Variants in AGBL4 observed in about 807,000 individuals in gnomAD.
AGBL4 encodes the protein cytosolic carboxypeptidase 6.
AGBL4 carries 58 observed loss-of-function variants against 66.4 expected under a neutral mutation model. The ratio of observed to expected loss-of-function variants is 0.87; its 90% CI spans 0.71 to 1.09. The LOEUF (loss-of-function observed/expected upper bound fraction) is 1.09. Ranked by LOEUF, AGBL4 falls within the 50% of genes least tolerant of loss-of-function variation. The probability of loss-of-function intolerance (pLI) is 0.00; values close to 1 mark genes in which losing one functional copy is unlikely to be tolerated. For missense variants in AGBL4, 579 were observed against 631.0 expected (o/e 0.92, Z 0.88); for synonymous variants, 234 against 222.9 (o/e 1.05, Z -0.44).
intron 6 of AGBL4, among the ~76,000 whole-genome samples, chr1:48,855,956 T>C (rs886107098): frequency 4.6e-5 from 7 of 152,100 alleles, no homozygotes; most frequent in African/African-American, 1.7e-4. Context: ...TCAAGTTAAA[T>C]ATCCAACATT....
intron 1 of AGBL4, among the ~76,000 whole-genome samples, chr1:49,891,999 A>AGT (rs1648705702): frequency 6.6e-6 from 1 of 152,180 alleles, no homozygotes; most frequent in Admixed American, 6.6e-5. Context: ...AGCAGGGTAA[A>AGT]CTGGAAAAAG....
intron 3 of AGBL4, among the ~76,000 whole-genome samples, chr1:49,398,419 C>A (rs149841622): frequency 2.0e-5 from 3 of 152,076 alleles, no homozygotes; most frequent in African/African-American, 7.2e-5. Context: ...GCATTCAGCC[C>A]ACCTCCCCAC....
intron 2 of AGBL4, among the ~76,000 whole-genome samples, chr1:49,714,409 T>C (rs1431770051): frequency 6.6e-6 from 1 of 151,898 alleles, no homozygotes; most frequent in Non-Finnish European, 1.5e-5. Context: ...TTGGAGAATG[T>C]CCATGTATAC....
At chr1:48,677,867 G>A (rs1009891306) in intron 6 of AGBL4, among the ~76,000 whole-genome samples, 1 of 152,200 alleles carries the variant, frequency 6.6e-6, no homozygotes, top group Non-Finnish European at 1.5e-5. Flanking sequence ...TAGGGTGATG[G>A]GGAGATACCT....
intron 4 of AGBL4, among the ~76,000 whole-genome samples, chr1:49,195,339 C>G (rs1647209117): frequency 6.6e-6 from 1 of 152,120 alleles, no homozygotes; most frequent in South Asian, 2.1e-4. Context: ...TCTTGTAGGA[C>G]TGGTCTAGTG....
intron 3 of AGBL4, among the ~76,000 whole-genome samples, chr1:49,566,744 T>TAGGGACCCCTTG (rs1322750058): frequency 4.0e-5 from 6 of 151,808 alleles, no homozygotes; most frequent in African/African-American, 1.5e-4. Context: ...ACTCGGGGGT[T>TAGGGACCCCTTG]AGGGACCCCT....
At chr1:48,917,514 C>T (rs2148888178) in intron 5 of AGBL4, among the ~76,000 whole-genome samples, 1 of 152,266 alleles carries the variant, frequency 6.6e-6, no homozygotes, top group African/African-American at 2.4e-5. Context: ...ACATAAATCT[C>T]ACAAAACTCC....
intron 3 of AGBL4, among the ~76,000 whole-genome samples, chr1:49,486,697 C>G (rs1647074372): frequency 6.6e-6 from 1 of 151,938 alleles, no homozygotes; most frequent in Admixed American, 6.6e-5. Flanking sequence ...TCCCATTGTC[C>G]CATCTCTAGA....
intron 2 of AGBL4, among the ~76,000 whole-genome samples, chr1:49,724,145 G>C (rs762892474): frequency 2.0e-5 from 3 of 152,050 alleles, no homozygotes. Flanking sequence ...CAAGAAAAGG[G>C]GTATTGGATG....
chr1:49,087,163 C>A (rs766783863), intron 4 of AGBL4, among the ~76,000 whole-genome samples: 2 of 152,148 alleles, frequency 1.3e-5, no homozygotes, highest in African/African-American at 2.4e-5. Flanking sequence ...AGAGCTCTGA[C>A]AAGTCAAAGA....
intron 2 of AGBL4, among the ~76,000 whole-genome samples, chr1:49,766,900 G>C (rs1652771076): frequency 1.3e-5 from 2 of 152,028 alleles, no homozygotes; most frequent in African/African-American, 2.4e-5. Context: ...CAAGAAGACT[G>C]AACTATCCTA....
chr1:49,165,511 T>C (rs914871676), intron 4 of AGBL4, among the ~76,000 whole-genome samples: 5 of 152,086 alleles, frequency 3.3e-5, no homozygotes, highest in Non-Finnish European at 5.9e-5. Flanking sequence ...GGGATATTCC[T>C]ACCTCAACTA....
At chr1:48,884,780 G>A (rs1239772168) in intron 5 of AGBL4, among the ~76,000 whole-genome samples, 1 of 152,086 alleles carries the variant, frequency 6.6e-6, no homozygotes, top group African/African-American at 2.4e-5. Flanking sequence ...TAATTACTTA[G>A]ACAAGCAAGA....
intron 2 of AGBL4, among the ~76,000 whole-genome samples, chr1:49,730,628 G>A (rs1238273468): frequency 6.6e-6 from 1 of 152,174 alleles, no homozygotes; most frequent in Admixed American, 6.5e-5. Flanking sequence ...ACCTCATCTA[G>A]ATGCTGGCAC....
At chr1:48,779,706 T>C (rs1358729986) in intron 6 of AGBL4, among the ~76,000 whole-genome samples, 3 of 2,514 alleles carry the variant, frequency 1.2e-3, no homozygotes, top group African/African-American at 2.3e-3. Context: ...GTTCCTCTCT[T>C]TTTTTTTTTT....
At chr1:49,843,019 G>A (rs968199839) in intron 2 of AGBL4, among the ~76,000 whole-genome samples, 5 of 152,156 alleles carry the variant, frequency 3.3e-5, no homozygotes, top group African/African-American at 1.2e-4. Flanking sequence ...AGGTAGCAGA[G>A]ATATCCCAGC....
rs1651891435 is a variant in AGBL4, at chr1:48,899,631, C to T, written c.595-32401G>A. 2.0e-5 allele frequency among the ~76,000 whole-genome samples: 3 copies of T among 152,088 alleles called. No homozygotes were observed. The East Asian group carries it at 5.8e-4, about 29-fold the overall frequency. Reference sequence around the variant, plus strand: ...CTCACTTGGCTTAATCTTTTCTTTCCTGTTCTTCTTATGCATCAACTCAGG... The same window carrying T: ...CTCACTTGGCTTAATCTTTTCTTTCTTGTTCTTCTTATGCATCAACTCAGG... On this transcript the variant is annotated intron_variant, in intron 5 of 13. Coordinates refer to ENST00000371839, the MANE Select transcript of AGBL4 (RefSeq NM_032785.4).
intron 3 of AGBL4, among the ~76,000 whole-genome samples, chr1:49,375,877 T>C (rs1206090159): frequency 1.3e-5 from 2 of 152,192 alleles, no homozygotes; most frequent in East Asian, 1.9e-4. Flanking sequence ...GTCTGACCTT[T>C]CTTACTTCTG....
chr1:49,846,483 G>A (rs1296827344), intron 2 of AGBL4: 3 of 1,017,036 alleles, frequency 2.9e-6, no homozygotes, highest in African/African-American at 3.2e-5. Flanking sequence ...TCATACACAT[G>A]AGAAACATAT....
Sources: allele counts gnomAD v4.1 joint callset (sites outside exome capture counted in the v4.1 genomes callset), GRCh38; gene constraint gnomAD v4.1.1; transcripts MANE v1.5; gene names NCBI Gene and HGNC (gene_info 2026-07-23, HGNC 2026-07-21).